EFEMP1: variants seen among roughly 807,000 people sequenced by gnomAD.
EFEMP1 encodes the protein EGF-like fibulin extracellular matrix protein 1, also known as EGF-containing fibulin-like extracellular matrix protein 1.
A neutral mutation model predicts 65.7 loss-of-function variants in EFEMP1; 18 were observed. The observed-to-expected ratio is 0.27, with a 90% CI of 0.19 to 0.41. The LOEUF (loss-of-function observed/expected upper bound fraction) is 0.41, where lower values mean the gene tolerates loss of function less well. Ranked by LOEUF, EFEMP1 falls within the 10% of genes least tolerant of loss-of-function variation. The pLI is 1.00. For missense variants in EFEMP1, 469 were observed against 624.8 expected, an observed-to-expected ratio of 0.75 and a Z score of 2.66; for synonymous variants, 237 against 219.7, an observed-to-expected ratio of 1.08 and a Z score of -0.70.
Position 55,894,733 on chromosome 2 carries a change from A to C in EFEMP1, c.518-12999T>G, listed in dbSNP as rs78843798. ...ATGACCTTCTTCAAATGCCTTCATT[A>C]TAGCTGAAGGTAAATGATATGTACA... is the stretch of plus-strand genomic sequence containing the variant. On this transcript the variant is annotated intron_variant, in intron 5 of 11. Coordinates refer to ENST00000355426, the MANE Select transcript of EFEMP1 (RefSeq NM_001039348.3). Among the ~76,000 whole-genome samples the C allele has an allele frequency of 9.4e-3, 1,434 of 152,200 alleles. 24 individuals are homozygous for C. The highest frequency in any genetic ancestry group is 0.031 in the African/African-American group (1,298 of 41,462).
chr2:55,893,051 C>A (rs1388133910), intron 5 of EFEMP1, among the ~76,000 whole-genome samples: 2 of 152,022 alleles, frequency 1.3e-5, no homozygotes, highest in Admixed American at 6.6e-5. Flanking sequence ...TAAGTGAAAA[C>A]CTTTGGCTTC....
chr2:55,913,986 G>C (rs1273534914), intron 5 of EFEMP1, among the ~76,000 whole-genome samples: 2 of 152,052 alleles, frequency 1.3e-5, no homozygotes, highest in African/African-American at 4.8e-5. Context: ...CTCCAGCCTG[G>C]GTGACAGCGT....
At chr2:55,895,830 C>T (rs1390089072) in intron 5 of EFEMP1, among the ~76,000 whole-genome samples, 2 of 152,068 alleles carry the variant, frequency 1.3e-5, no homozygotes, top group Admixed American at 6.5e-5. Context: ...CGTGAACCAC[C>T]GCGCCCGGCC....
At chr2:55,901,496 G>A (rs1036685951) in intron 5 of EFEMP1, among the ~76,000 whole-genome samples, 3 of 152,186 alleles carry the variant, frequency 2.0e-5, no homozygotes, top group African/African-American at 7.2e-5. Context: ...TCTAGAAACA[G>A]CCAGGTTCTT....
Position 55,922,683 on chromosome 2 carries a change from C to G in EFEMP1, c.-8+216G>C. The G allele has an allele frequency of 2.0e-6, 1 of 500,848 alleles. No homozygotes were observed. Among genetic ancestry groups the G allele is most frequent in the Non-Finnish European group, 3.6e-6 (1 of 281,142 alleles). 31.0% of individuals were successfully genotyped at this position (500,848 alleles called of 1,614,324 possible). The stretch of plus-strand genomic sequence containing the variant: ...AGAATTGCATTTCACGTTACTCCAT[C>G]CTGCTACGCTGTTTACATACAAAAG... On this transcript the variant is annotated intron_variant, in intron 2 of 11. Transcript: ENST00000355426. This position sits in a 1 kb window ranked among gnomAD's most constrained non-coding sequence, Gnocchi z 5.5.
chr2:55,884,734 T>C (rs1311297747), intron 5 of EFEMP1, among the ~76,000 whole-genome samples: 12 of 152,194 alleles, frequency 7.9e-5, no homozygotes, highest in Admixed American at 7.9e-4. Context: ...TTTTTTGTTG[T>C]TTTTGCATGA....
At chr2:55,900,374 C>T (rs550427480) in intron 5 of EFEMP1, among the ~76,000 whole-genome samples, 2 of 151,702 alleles carry the variant, frequency 1.3e-5, no homozygotes, top group African/African-American at 2.4e-5. Flanking sequence ...CGGGATGCTC[C>T]GGGTTGGCCT....
At chr2:55,896,543 T>C (rs1669837494) in intron 5 of EFEMP1, among the ~76,000 whole-genome samples, 1 of 152,218 alleles carries the variant, frequency 6.6e-6, no homozygotes, top group African/African-American at 2.4e-5. Context: ...CTCCTTATGT[T>C]TGATAAAAAT....
Position 55,922,856 on chromosome 2 carries a change from A to C in EFEMP1, c.-8+43T>G. ...CCGGGGGATGGAGGTGGGGCTGCAA[A>C]ACTCTGTTCTCTAGAACGTTAAGGC... On this transcript the variant is annotated intron_variant, in intron 2 of 11. Transcript: ENST00000355426. This position sits in a 1 kb window ranked among gnomAD's most constrained non-coding sequence, Gnocchi z 5.5. The C allele has an allele frequency of 8.6e-7, 1 of 1,160,386 alleles. No homozygotes were observed. The highest frequency in any genetic ancestry group is 1.1e-6 in the Non-Finnish European group (1 of 928,228). 71.9% of individuals were successfully genotyped at this position (1,160,386 alleles called of 1,614,324 possible).
In EFEMP1 at chr2:55,918,252, A is replaced by G; in HGVS notation, c.97T>C (p.Tyr33His). 1 of 1,614,166 alleles carries G rather than the reference A, an allele frequency of 6.2e-7. No homozygotes were observed. Among genetic ancestry groups the G allele is most frequent in the Non-Finnish European group, 8.5e-7 (1 of 1,180,032 alleles). ...TITYTQCTDG[Y>H]EWDPVRQQCK... The stretch of plus-strand genomic sequence containing the variant: ...TGCTGTCTCACAGGATCCCACTCAT[A>G]TCCGTCAGTGCATTGCTGTGAAGAA... Residue 33 changes from tyrosine (Y) to histidine (H), a missense_variant, in exon 4 of 12, where the codon TAT becomes CAT. Coordinates refer to ENST00000355426, the MANE Select transcript of EFEMP1 (RefSeq NM_001039348.3).
chr2:55,878,288 G>A (rs1016668802), intron 6 of EFEMP1, among the ~76,000 whole-genome samples: 8 of 152,112 alleles, frequency 5.3e-5, no homozygotes, highest in East Asian at 1.9e-4. Context: ...AGTCACTTAC[G>A]CCTTCAGTAT....
rs1047495890 is a variant in EFEMP1 at position 55,870,156 on chromosome 2, C to T, written c.1320+564G>A. On this transcript the variant is annotated intron_variant, in intron 11 of 11. Transcript: ENST00000355426. This position sits in a 1 kb window ranked among gnomAD's most constrained non-coding sequence, Gnocchi z 5.8. The stretch of plus-strand genomic sequence containing the variant: ...GGTACAACTACTGACACATACTGTG[C>T]GGGGAGGTGGGGTCACTTCTCACAT... 2.6e-5 allele frequency among the ~76,000 whole-genome samples: 4 copies of T among 151,950 alleles called. No individual in the cohort carries two copies. Among genetic ancestry groups the T allele is most frequent in the East Asian group, 1.9e-4 (1 of 5,186 alleles).
At position 55,883,556 on chromosome 2, in the gene EFEMP1, T is replaced by C. The variant is rs1378884014; in HGVS notation, c.518-1822A>G. 6.6e-6 allele frequency among the ~76,000 whole-genome samples: 1 copy of C among 152,206 alleles called. No individual in the cohort carries two copies. Among genetic ancestry groups the C allele is most frequent in the Non-Finnish European group, 1.5e-5 (1 of 68,032 alleles). ...GATACGGCAATGTTAGATTCAGATGTGGCAAGTTTCCTCTGGCAGCAGATC... is the reference window on the plus strand; with the variant it reads ...GATACGGCAATGTTAGATTCAGATGCGGCAAGTTTCCTCTGGCAGCAGATC... On this transcript the variant is annotated intron_variant, in intron 5 of 11. Transcript: ENST00000355426. The surrounding 1 kb of genome is among the most constrained non-coding windows in gnomAD (Gnocchi z 4.5).
intron 5 of EFEMP1, among the ~76,000 whole-genome samples, chr2:55,916,143 T>C (rs1197422779): frequency 1.4e-5 from 2 of 144,452 alleles, no homozygotes; most frequent in African/African-American, 2.6e-5. Flanking sequence ...AGAGTCTCAC[T>C]CTGTTGCCCA....
intron 5 of EFEMP1, among the ~76,000 whole-genome samples, chr2:55,903,217 A>C (rs1473414210): frequency 6.6e-6 from 1 of 152,186 alleles, no homozygotes; most frequent in Non-Finnish European, 1.5e-5. Context: ...ACAGGAGAAA[A>C]TTCTATTAAT....
intron 5 of EFEMP1, among the ~76,000 whole-genome samples, chr2:55,906,618 G>A (rs1215101223): frequency 6.6e-6 from 1 of 151,338 alleles, no homozygotes; most frequent in Non-Finnish European, 1.5e-5. Flanking sequence ...GACATGAACT[G>A]TTTTAACAAA....
At position 55,867,374 on chromosome 2, in the gene EFEMP1, T is replaced by G. The variant is rs1352198418; in HGVS notation, c.1321-140A>C. The G allele has an allele frequency of 9.4e-6, 8 of 854,202 alleles. No individual in the cohort carries two copies. The highest frequency in any genetic ancestry group is 1.4e-5 in the Non-Finnish European group (8 of 557,096). The allele number at this position is 854,202 out of a possible 1,614,324, so 52.9% of individuals were successfully genotyped here. A position where few individuals can be genotyped will look rare whatever the true frequency, so the allele number is the denominator to read the frequency against. ...AAAGAGCCACTACTTGGTCCCTTCT[T>G]GGTTTCAACTCTTCTTGGCTCTTAT... On this transcript the variant is annotated intron_variant, in intron 11 of 11. Transcript: ENST00000355426. The surrounding 1 kb of genome is among the most constrained non-coding windows in gnomAD (Gnocchi z 4.3).
intron 5 of EFEMP1, among the ~76,000 whole-genome samples, chr2:55,910,961 C>G (rs2104442321): frequency 6.6e-6 from 1 of 152,262 alleles, no homozygotes; most frequent in South Asian, 2.1e-4. Context: ...CCTCATCTCA[C>G]AAGTTTGTGC....
At chr2:55,882,729 C>T (rs1463086018) in intron 5 of EFEMP1, among the ~76,000 whole-genome samples, 1 of 152,104 alleles carries the variant, frequency 6.6e-6, no homozygotes, top group Non-Finnish European at 1.5e-5. Flanking sequence ...TTAACAATAT[C>T]ATAAAACTTG....
Sources: gnomAD v4.1 joint callset for allele counts (sites outside exome capture counted in the v4.1 genomes callset) on GRCh38, gnomAD v4.1.1 for gene constraint, Gnocchi (gnomAD v3.1) non-coding constraint, MANE v1.5 for transcripts, NCBI Gene and HGNC (gene_info 2026-07-23, HGNC 2026-07-21) for gene names.